The following KIAA1328 variants were observed in gnomAD, a reference collection of about 807,000 sequenced individuals.
KIAA1328 encodes KIAA1328, also known as protein hinderin.
A neutral mutation model predicts 68.1 loss-of-function variants in KIAA1328; 52 were observed. The observed-to-expected ratio is 0.76, with a 90% confidence interval of 0.61 to 0.96. The LOEUF is 0.96. KIAA1328 is among the 40% of genes least tolerant of loss of function. The pLI, the probability that KIAA1328 is intolerant of heterozygous loss-of-function variation, is 0.00. For synonymous variants in KIAA1328, 232 were observed against 239.4 expected (o/e 0.97, Z 0.28); for missense variants, 641 against 677.6 (o/e 0.95, Z 0.60).
intron 4 of KIAA1328, among the ~76,000 whole-genome samples, chr18:36,869,366 A>AT (rs978886728): frequency 4.6e-5 from 7 of 151,816 alleles, no homozygotes; most frequent in South Asian, 2.1e-4. Flanking sequence ...TTTCTATAGC[A>AT]TTTTTTTCTT....
At chr18:36,979,614 G>A (rs1286967269) in intron 6 of KIAA1328, among the ~76,000 whole-genome samples, 1 of 152,132 alleles carries the variant, frequency 6.6e-6, no homozygotes, top group Non-Finnish European at 1.5e-5. Context: ...GTATCAAGCA[G>A]GAAGATCCAG....
chr18:37,056,794 G>A (rs1169827620), intron 6 of KIAA1328, among the ~76,000 whole-genome samples: 2 of 152,030 alleles, frequency 1.3e-5, no homozygotes, highest in East Asian at 1.9e-4. Flanking sequence ...GGGATTGCAG[G>A]AGTGCACCAC....
chr18:36,989,804 C>T (rs1259971870), intron 6 of KIAA1328, among the ~76,000 whole-genome samples: 1 of 152,126 alleles, frequency 6.6e-6, no homozygotes, highest in Non-Finnish European at 1.5e-5. Flanking sequence ...ATGCCGTTCT[C>T]CTGCCTCAGC....
At chr18:37,145,144 G>A (rs1177130892) in intron 7 of KIAA1328, among the ~76,000 whole-genome samples, 1 of 151,994 alleles carries the variant, frequency 6.6e-6, no homozygotes, top group Non-Finnish European at 1.5e-5. Flanking sequence ...AGTGGAGGTT[G>A]CAGTGAGCCA....
chr18:36,867,888 A>G (rs566418548), intron 4 of KIAA1328, among the ~76,000 whole-genome samples: 2 of 152,342 alleles, frequency 1.3e-5, no homozygotes, highest in South Asian at 4.1e-4. Flanking sequence ...AATTTATGTT[A>G]AAGAAAGACT....
At chr18:36,947,954 A>T (rs1482476551) in intron 5 of KIAA1328, among the ~76,000 whole-genome samples, 1 of 152,062 alleles carries the variant, frequency 6.6e-6, no homozygotes, top group Non-Finnish European at 1.5e-5. Flanking sequence ...TTTAATGTTA[A>T]TGTTGGTCAA....
At chr18:37,106,295 G>C (rs1444184316) in intron 7 of KIAA1328, among the ~76,000 whole-genome samples, 1 of 152,172 alleles carries the variant, frequency 6.6e-6, no homozygotes, top group African/African-American at 2.4e-5. Flanking sequence ...GATAAAGGAA[G>C]TATATTAGTG....
chr18:37,031,383 T>C (rs945573482), intron 6 of KIAA1328, among the ~76,000 whole-genome samples: 1 of 152,210 alleles, frequency 6.6e-6, no homozygotes, highest in Non-Finnish European at 1.5e-5. Flanking sequence ...TATATAGTCT[T>C]GGTGCATTAA....
chr18:37,074,362 C>T (rs1206256001), intron 7 of KIAA1328, among the ~76,000 whole-genome samples: 1 of 152,162 alleles, frequency 6.6e-6, no homozygotes, highest in Non-Finnish European at 1.5e-5. Flanking sequence ...AGTATAATGT[C>T]TAAGATTTTT....
At chr18:37,012,313 C>T (rs949710977) in intron 6 of KIAA1328, among the ~76,000 whole-genome samples, 1 of 152,142 alleles carries the variant, frequency 6.6e-6, no homozygotes, top group African/African-American at 2.4e-5. Context: ...GAGGCCAGAT[C>T]GACCAACAAG....
chr18:37,075,510 A>G (rs1376072209), intron 7 of KIAA1328: 1 of 152,234 alleles, frequency 6.6e-6, no homozygotes, highest in Non-Finnish European at 1.5e-5. Context: ...AATGGACTAA[A>G]TGCTCCAATT....
In KIAA1328 at chr18:37,119,890, A is replaced by G. The variant is rs114086105; in HGVS notation, c.1233-40310A>G. Among the ~76,000 whole-genome samples, 288 of 152,270 alleles carry G rather than the reference A, an allele frequency of 1.9e-3. 4 individuals are homozygous for G. The highest frequency in any genetic ancestry group is 6.8e-3 in the African/African-American group (281 of 41,546). On this transcript the variant is annotated intron_variant, in intron 7 of 9. Transcript: ENST00000280020. Reference sequence around the variant, plus strand: ...CTAGCACCCAGATACCAGTTTCTAAATACCATTCTCCAATAAAAGAAGCTC... The same window carrying G: ...CTAGCACCCAGATACCAGTTTCTAAGTACCATTCTCCAATAAAAGAAGCTC...
At chr18:37,037,054 T>G (rs1365972960) in intron 6 of KIAA1328, among the ~76,000 whole-genome samples, 1 of 152,242 alleles carries the variant, frequency 6.6e-6, no homozygotes. Flanking sequence ...GCCCAGTATT[T>G]GAAGTGCTTG....
At position 37,067,457 on chromosome 18, in the gene KIAA1328, G is replaced by C; in HGVS notation, c.1144G>C (p.Glu382Gln). The C allele has an allele frequency of 6.4e-7, 1 of 1,573,202 alleles. No homozygotes were observed. The highest frequency in any genetic ancestry group is 8.6e-7 in the Non-Finnish European group (1 of 1,159,824). The stretch of plus-strand genomic sequence containing the variant: ...GAAAATGGAACTGGAAATTGAAAAG[G>C]AGCGCCTTCAGCATCTGCTGGCCCA... ...LQKMELEIEK[E>Q]RLQHLLAQQE... Residue 382 changes from glutamate (E) to glutamine (Q), a missense_variant, in exon 7 of 10, where the codon GAG becomes CAG. Coordinates refer to ENST00000280020, the MANE Select transcript of KIAA1328 (RefSeq NM_020776.3).
At chr18:37,000,167 G>T (rs1001066045) in intron 6 of KIAA1328, among the ~76,000 whole-genome samples, 1 of 152,092 alleles carries the variant, frequency 6.6e-6, no homozygotes, top group African/African-American at 2.4e-5. Context: ...GAAAAAAGAT[G>T]CTCCATACAA....
At chr18:36,888,716 A>G (rs1380206084) in intron 5 of KIAA1328, among the ~76,000 whole-genome samples, 1 of 152,170 alleles carries the variant, frequency 6.6e-6, no homozygotes, top group Non-Finnish European at 1.5e-5. Context: ...TAAACCTGTC[A>G]AAGGTTAATA....
At chr18:37,078,875 G>C (rs2056846813) in intron 7 of KIAA1328, among the ~76,000 whole-genome samples, 1 of 150,998 alleles carries the variant, frequency 6.6e-6, no homozygotes, top group African/African-American at 2.4e-5. Context: ...CTTTTACACT[G>C]TTGGTGGGAC....
chr18:37,093,726 T>C (rs984546114), intron 7 of KIAA1328, among the ~76,000 whole-genome samples: 1 of 152,226 alleles, frequency 6.6e-6, no homozygotes, highest in African/African-American at 2.4e-5. Context: ...AGAAAACTTA[T>C]TTAATGAAAT....
intron 7 of KIAA1328, among the ~76,000 whole-genome samples, chr18:37,110,853 A>G (rs1377387575): frequency 6.6e-6 from 1 of 152,198 alleles, no homozygotes; most frequent in Non-Finnish European, 1.5e-5. Context: ...ATTACATATG[A>G]AAGAGTGCTA....
Sources: allele counts gnomAD v4.1 joint callset (sites outside exome capture counted in the v4.1 genomes callset), GRCh38; gene constraint gnomAD v4.1.1; transcripts MANE v1.5; gene names NCBI Gene and HGNC (gene_info 2026-07-23, HGNC 2026-07-21).